The following ANKRD36B variants were observed in gnomAD, a reference collection of about 807,000 sequenced individuals.
ANKRD36B encodes the protein ankyrin repeat domain 36B.
Under a neutral mutation model 135.7 loss-of-function variants are expected in ANKRD36B, and 37 were observed. That is an observed-to-expected ratio of 0.27 (90% CI 0.21 to 0.36). The LOEUF (loss-of-function observed/expected upper bound fraction) is 0.36. ANKRD36B is among the 10% of genes least tolerant of loss of function. The probability of loss-of-function intolerance (pLI) is 1.00; values close to 1 mark genes in which losing one functional copy is unlikely to be tolerated. For missense variants in ANKRD36B, 549 were observed against 1,037.1 expected (o/e 0.53, Z 6.46); for synonymous variants, 179 against 348.1 (o/e 0.51, Z 5.41).
intron 22 of ANKRD36B, among the ~76,000 whole-genome samples, chr2:97,546,938 T>G (rs72493438): frequency 6.6e-6 from 1 of 151,688 alleles, no homozygotes; most frequent in Non-Finnish European, 1.5e-5. Context: ...CTGCTTCCAG[T>G]AGTTCCTGGA....
intron 35 of ANKRD36B, among the ~76,000 whole-genome samples, chr2:97,531,861 C>A (rs1358962186): frequency 1.0e-5 from 1 of 95,886 alleles, no homozygotes; most frequent in Non-Finnish European, 2.8e-5. Flanking sequence ...AGTCAGAGAT[C>A]AAAAGGGAAA....
At chr2:97,562,196 A>G (rs2081085903) in intron 6 of ANKRD36B, among the ~76,000 whole-genome samples, 2 of 149,404 alleles carry the variant, frequency 1.3e-5, no homozygotes, top group African/African-American at 2.6e-5. Context: ...AAGTTTCTAA[A>G]TCACTAGAGA....
intron 36 of ANKRD36B, among the ~76,000 whole-genome samples, chr2:97,519,850 G>A (rs1480553035): frequency 1.3e-5 from 1 of 78,850 alleles, no homozygotes; most frequent in East Asian, 3.1e-4. Flanking sequence ...TGCAAATTAT[G>A]GGCTTGGGGT....
intron 14 of ANKRD36B, among the ~76,000 whole-genome samples, 193 bp downstream of exon 14, chr2:97,554,867 A>G (rs2080365843): frequency 6.6e-6 from 1 of 151,906 alleles, no homozygotes; most frequent in Non-Finnish European, 1.5e-5. Context: ...GGAAGTCTAT[A>G]ATCTTACTGT....
At chr2:97,548,244 G>A (rs1306483336) in intron 20 of ANKRD36B, among the ~76,000 whole-genome samples, 2 of 151,800 alleles carry the variant, frequency 1.3e-5, no homozygotes, top group Non-Finnish European at 2.9e-5. Flanking sequence ...CAGTGGAAGA[G>A]TCCTGAATTG....
At chr2:97,559,497 G>T (rs562033120) in intron 8 of ANKRD36B, among the ~76,000 whole-genome samples, 6 of 152,014 alleles carry the variant, frequency 3.9e-5, no homozygotes, top group Non-Finnish European at 8.8e-5. Flanking sequence ...CGGTGGAAAT[G>T]TCCTAAATTG....
At chr2:97,582,980 A>G (rs888785598) in intron 3 of ANKRD36B, among the ~76,000 whole-genome samples, 2 of 152,022 alleles carry the variant, frequency 1.3e-5, no homozygotes, top group African/African-American at 4.8e-5. Context: ...ATTGTAACCT[A>G]ATTTTTTTTA....
rs78805291 is a variant in ANKRD36B, at chr2:97,515,030, C to T, written c.2621+702G>A. Reference sequence around the variant, plus strand: ...GTGATTCTCCTGCCTCAGCCTCCTGCGTAGCTGGGATTACAGGTACAACCA... The same window carrying T: ...GTGATTCTCCTGCCTCAGCCTCCTGTGTAGCTGGGATTACAGGTACAACCA... On this transcript the variant is annotated intron_variant, in intron 37 of 43. Coordinates refer to ENST00000359901, the MANE Select transcript of ANKRD36B (RefSeq NM_001393939.1). 3.8e-5 allele frequency among the ~76,000 whole-genome samples: 3 copies of T among 78,640 alleles called. 1 individual carries two copies. Among genetic ancestry groups the T allele is most frequent in the African/African-American group, 8.0e-5 (2 of 24,974 alleles). The allele number at this position is 78,640 out of a possible 152,430, so 51.6% of individuals were successfully genotyped here.
At chr2:97,572,996 T>C (rs1011763518) in intron 6 of ANKRD36B, among the ~76,000 whole-genome samples, 15 of 151,848 alleles carry the variant, frequency 9.9e-5, no homozygotes, top group Admixed American at 1.3e-4. Flanking sequence ...ATGTGCCATA[T>C]TGGTGTGCTG....
At chr2:97,562,644 C>T (rs1187592676) in intron 6 of ANKRD36B, among the ~76,000 whole-genome samples, 1 of 151,894 alleles carries the variant, frequency 6.6e-6, no homozygotes, top group African/African-American at 2.4e-5. Context: ...ACATTTTTTT[C>T]GTTCATAAAT....
chr2:97,568,396 C>T (rs1399614065), intron 6 of ANKRD36B, among the ~76,000 whole-genome samples: 1 of 152,060 alleles, frequency 6.6e-6, no homozygotes, highest in Non-Finnish European at 1.5e-5. Context: ...AGAGTAGGGT[C>T]AAGGATCCCT....
intron 3 of ANKRD36B, among the ~76,000 whole-genome samples, chr2:97,582,813 A>G (rs1465394706): frequency 6.6e-6 from 1 of 152,142 alleles, no homozygotes; most frequent in African/African-American, 2.4e-5. Context: ...AATTGTTACT[A>G]AGAGTCATAA....
At position 97,572,854 on chromosome 2, in the gene ANKRD36B, A is replaced by G. The variant is rs562017942; in HGVS notation, c.763+3525T>C. ...TGGTATACTTAGCATGTCACCTTAT[A>G]TTTTTCTCCATGACATTATATAAAA... On this transcript the variant is annotated intron_variant, in intron 6 of 43. Coordinates refer to ENST00000359901, the MANE Select transcript of ANKRD36B (RefSeq NM_001393939.1). 1.7e-4 allele frequency among the ~76,000 whole-genome samples: 26 copies of G among 151,444 alleles called. No homozygotes were observed. The East Asian group carries it at 4.8e-3, about 28-fold the overall frequency.
At position 97,589,875 on chromosome 2, in the gene ANKRD36B, A is replaced by C; in HGVS notation, c.-190T>G. ...GCCTCTCCGCAGAAACGCCCAACAG[A>C]AGGGTTAGAACCAGCGAGCACGCGC... On this transcript the variant is annotated 5_prime_UTR_variant, in exon 1 of 44. Coordinates refer to ENST00000359901, the MANE Select transcript of ANKRD36B (RefSeq NM_001393939.1). 1.3e-6 allele frequency: 1 copy of C among 776,226 alleles called. No individual in the cohort carries two copies. Among genetic ancestry groups the C allele is most frequent in the Non-Finnish European group, 2.1e-6 (1 of 486,230 alleles). 48.1% of individuals were successfully genotyped at this position (776,226 alleles called of 1,614,324 possible). A position where few individuals can be genotyped will look rare whatever the true frequency, so the allele number is the denominator to read the frequency against.
Position 97,513,736 on chromosome 2 carries a change from C to T in ANKRD36B, c.2622-373G>A, listed in dbSNP as rs374596862. ...TGAGAGCCAGGCACCCTTTTGGGTCCGATAAGAAACATTTTACAATCTGCT... is the reference window on the plus strand; with the variant it reads ...TGAGAGCCAGGCACCCTTTTGGGTCTGATAAGAAACATTTTACAATCTGCT... On this transcript the variant is annotated intron_variant, in intron 37 of 43. Coordinates refer to ENST00000359901, the MANE Select transcript of ANKRD36B (RefSeq NM_001393939.1). Among the ~76,000 whole-genome samples the T allele has an allele frequency of 1.3e-3, 97 of 76,710 alleles. 1 individual carries two copies. The highest frequency in any genetic ancestry group is 4.3e-3 in the East Asian group (13 of 3,052). The allele number at this position is 76,710 out of a possible 152,430, so 50.3% of individuals were successfully genotyped here. A position where few individuals can be genotyped will look rare whatever the true frequency, so the allele number is the denominator to read the frequency against.
At chr2:97,572,413 T>C (rs1371006963) in intron 6 of ANKRD36B, among the ~76,000 whole-genome samples, 8 of 117,994 alleles carry the variant, frequency 6.8e-5, no homozygotes, top group African/African-American at 2.2e-4. Flanking sequence ...GTGTTTTACA[T>C]TAAAACTATG....
chr2:97,569,575 T>C (rs1163959487), intron 6 of ANKRD36B, among the ~76,000 whole-genome samples: 9 of 151,414 alleles, frequency 5.9e-5, no homozygotes, highest in Non-Finnish European at 2.9e-5. Flanking sequence ...GATGCATCAA[T>C]GTAAGCTTCT....
At chr2:97,579,260 T>C (rs1465469926) in intron 4 of ANKRD36B, among the ~76,000 whole-genome samples, 1 of 140,316 alleles carries the variant, frequency 7.1e-6, no homozygotes, top group East Asian at 2.0e-4. Context: ...CACTGTGGTA[T>C]GACATAAAGT....
chr2:97,580,392 T>G, intron 4 of ANKRD36B, 70 bp downstream of exon 4: 1 of 1,340,168 alleles, frequency 7.5e-7, no homozygotes, highest in Non-Finnish European at 1.0e-6. Context: ...ATTTGTGACT[T>G]GAGTGACTGC....
Sources: allele counts gnomAD v4.1 joint callset (sites outside exome capture counted in the v4.1 genomes callset), GRCh38; gene constraint gnomAD v4.1.1; transcripts MANE v1.5; gene names NCBI Gene and HGNC (gene_info 2026-07-23, HGNC 2026-07-21).